UGT1A8: variants seen among roughly 807,000 people sequenced by gnomAD.
UGT1A8 encodes the protein UDP glucuronosyltransferase family 1 member A8.
In UGT1A8, 39 loss-of-function variants were observed where a neutral mutation model predicts 45.3. The ratio of observed to expected loss-of-function variants is 0.86; its 90% CI spans 0.67 to 1.12. The LOEUF (loss-of-function observed/expected upper bound fraction) is 1.12, where lower values mean the gene tolerates loss of function less well. UGT1A8 is among the 50% of genes most tolerant of loss of function. The pLI, the probability that UGT1A8 is intolerant of heterozygous loss-of-function variation, is 0.00. For missense variants in UGT1A8, 719 were observed against 664.9 expected (o/e 1.08, Z -0.90); for synonymous variants, 275 against 249.2 (o/e 1.10, Z -0.97).
chr2:233,728,626 G>A (rs1336617432), intron 1 of UGT1A8, among the ~76,000 whole-genome samples: 2 of 152,180 alleles, frequency 1.3e-5, no homozygotes, highest in Admixed American at 6.5e-5. Flanking sequence ...GAGAAAGCTG[G>A]CTTAGCAATG....
intron 1 of UGT1A8, among the ~76,000 whole-genome samples, chr2:233,640,340 C>G (rs1450189295): frequency 3.3e-5 from 5 of 151,958 alleles, no homozygotes; most frequent in African/African-American, 1.2e-4. Context: ...TTTTGGCTGT[C>G]ATTTTTTTAG....
chr2:233,725,005 C>G (rs1205607932), intron 1 of UGT1A8, among the ~76,000 whole-genome samples: 2 of 147,300 alleles, frequency 1.4e-5, no homozygotes, highest in Non-Finnish European at 3.0e-5. Flanking sequence ...GAGACCGGCC[C>G]GGCCAAACAG....
intron 4 of UGT1A8, 106 bp from the exon 5 acceptor site, chr2:233,772,156 C>G: frequency 6.4e-7 from 1 of 1,560,932 alleles, no homozygotes; most frequent in Non-Finnish European, 8.7e-7. Context: ...GTTTCCTTTC[C>G]CAAGTTTGGA....
At chr2:233,636,810 T>C (rs763056415) in intron 1 of UGT1A8, 1 of 1,614,232 alleles carries the variant, frequency 6.2e-7, no homozygotes, top group South Asian at 1.1e-5. Flanking sequence ...TCGCCCATGC[T>C]CAATGGAAAG....
At position 233,742,060 on chromosome 2, in the gene UGT1A8, T is replaced by A. The variant is rs74500985; in HGVS notation, c.856-24974T>A. On this transcript the variant is annotated intron_variant, in intron 1 of 4. Transcript: ENST00000373450. ...AGCATAGCAATAGGATAGTTCTGTG[T>A]GGCCTTATGGAGATCCTTTTTTTAC... 642 of 152,036 alleles carry A rather than the reference T, an allele frequency of 4.2e-3. 25 individuals carry two copies. Among genetic ancestry groups the A allele is most frequent in the African/African-American group, 0.015 (610 of 41,262 alleles). 9.4% of individuals were successfully genotyped at this position (152,036 alleles called of 1,614,324 possible).
rs1476586021 is a variant in UGT1A8 at position 233,618,202 on chromosome 2, T to C, written c.495T>C (p.Ser165=). The C allele has an allele frequency of 3.1e-6, 5 of 1,614,070 alleles. No individual in the cohort carries two copies. Among genetic ancestry groups the C allele is most frequent in the Middle Eastern group, 1.7e-4 (1 of 6,058 alleles). ...TTGCCAAATATTTCTCCCTCCCCTC[T>C]GTGGTCTTCGCCAGGGGAATAGCTT... ...LIVAKYFSLP[S]VVFARGIACH... Residue 165 remains serine, a synonymous_variant, in exon 1 of 5, where the codon TCT becomes TCC. Transcript: ENST00000373450.
At chr2:233,749,022 T>C (rs1694084845) in intron 1 of UGT1A8, among the ~76,000 whole-genome samples, 1 of 151,722 alleles carries the variant, frequency 6.6e-6, no homozygotes, top group African/African-American at 2.4e-5. Flanking sequence ...ATCCAGAATA[T>C]TTGGGGTTCA....
At chr2:233,754,544 A>G in intron 1 of UGT1A8, 1 of 379,568 alleles carries the variant, frequency 2.6e-6, no homozygotes, top group Non-Finnish European at 5.2e-6. Context: ...GACTGGAATT[A>G]CTTGGTGTCA....
chr2:233,679,549 T>C (rs1217700310), intron 1 of UGT1A8, among the ~76,000 whole-genome samples: 1 of 152,190 alleles, frequency 6.6e-6, no homozygotes, highest in Non-Finnish European at 1.5e-5. Context: ...TGTCATCTTT[T>C]TTTTTGTTTG....
At chr2:233,643,162 G>A (rs539427142) in intron 1 of UGT1A8, among the ~76,000 whole-genome samples, 1 of 152,238 alleles carries the variant, frequency 6.6e-6, no homozygotes, top group Non-Finnish European at 1.5e-5. Flanking sequence ...CAGGCCCTGG[G>A]TGGGTCCAGA....
chr2:233,714,409 CTG>C (rs2076385433), intron 1 of UGT1A8, among the ~76,000 whole-genome samples: 1 of 152,130 alleles, frequency 6.6e-6, no homozygotes, highest in Non-Finnish European at 1.5e-5. Context: ...CAATGGATGT[CTG>C]TGATCAGAGA....
chr2:233,655,388 G>T (rs1365307038), intron 1 of UGT1A8, among the ~76,000 whole-genome samples: 1 of 152,110 alleles, frequency 6.6e-6, no homozygotes, highest in African/African-American at 2.4e-5. Context: ...TCCCCAAGGA[G>T]CAGGGACAGC....
chr2:233,618,608 A>G lies in UGT1A8; in HGVS notation c.855+46A>G. On this transcript the variant is annotated intron_variant, in intron 1 of 4. Transcript: ENST00000373450. ...CACATTAGGAATAATCTGGCTTTGG[A>G]AATTAAAAAAAGATTCCTTACTGAA... 2.6e-6 allele frequency: 4 copies of G among 1,543,456 alleles called. 1 individual carries two copies. The South Asian group carries it at 3.8e-5, about 15-fold the overall frequency.
At chr2:233,671,434 G>A (rs774226674) in intron 1 of UGT1A8, among the ~76,000 whole-genome samples, 1 of 152,162 alleles carries the variant, frequency 6.6e-6, no homozygotes, top group African/African-American at 2.4e-5. Context: ...AGACACAGGC[G>A]AGCCCCAATT....
intron 1 of UGT1A8, among the ~76,000 whole-genome samples, chr2:233,621,589 A>G (rs1441667567): frequency 6.6e-6 from 1 of 152,160 alleles, no homozygotes; most frequent in Non-Finnish European, 1.5e-5. Flanking sequence ...AAGTTTTCCA[A>G]CCTATACAAA....
At chr2:233,672,689 T>C (rs748395710) in intron 1 of UGT1A8, 9 of 1,613,952 alleles carry the variant, frequency 5.6e-6, no homozygotes, top group Non-Finnish European at 6.8e-6. Context: ...TCAATTTGGT[T>C]GTTGCGAACG....
At chr2:233,761,658 A>C (rs1473319616) in intron 1 of UGT1A8, among the ~76,000 whole-genome samples, 1 of 152,256 alleles carries the variant, frequency 6.6e-6, no homozygotes, top group African/African-American at 2.4e-5. Context: ...TAATGAGTGA[A>C]TCACCAGACA....
At chr2:233,653,948 T>C (rs2073796168) in intron 1 of UGT1A8, among the ~76,000 whole-genome samples, 1 of 152,258 alleles carries the variant, frequency 6.6e-6, no homozygotes. Context: ...CATCTCTTCA[T>C]TATTGAGGAC....
intron 1 of UGT1A8, among the ~76,000 whole-genome samples, chr2:233,624,329 T>G (rs550916098): frequency 6.6e-6 from 1 of 152,230 alleles, no homozygotes; most frequent in South Asian, 2.1e-4. Flanking sequence ...CCTGGTCAGG[T>G]GTCCTGTAGA....
Sources: gnomAD v4.1 joint callset for allele counts (sites outside exome capture counted in the v4.1 genomes callset) on GRCh38, gnomAD v4.1.1 for gene constraint, MANE v1.5 for transcripts, NCBI Gene and HGNC (gene_info 2026-07-23, HGNC 2026-07-21) for gene names.